Variants in ATP2B2 observed in about 807,000 individuals in gnomAD.
ATP2B2 encodes plasma membrane calcium-transporting ATPase 2.
ATP2B2 carries 15 observed loss-of-function variants against 120.0 expected under a neutral mutation model. The ratio of observed to expected loss-of-function variants is 0.12; its 90% CI spans 0.08 to 0.19. The LOEUF (loss-of-function observed/expected upper bound fraction) is 0.19, where lower values mean the gene tolerates loss of function less well. Ranked by LOEUF, ATP2B2 falls within the 10% of genes least tolerant of loss-of-function variation. The pLI is 1.00. For synonymous variants in ATP2B2, 694 were observed against 700.3 expected, an observed-to-expected ratio of 0.99 and a Z score of 0.14; for missense variants, 1,045 against 1,719.8, an observed-to-expected ratio of 0.61 and a Z score of 6.94.
At chr3:10,661,704 C>T (rs547927397) in intron 1 of ATP2B2, among the ~76,000 whole-genome samples, 2 of 152,340 alleles carry the variant, frequency 1.3e-5, no homozygotes, top group Non-Finnish European at 2.9e-5. Flanking sequence ...CATGCCATTC[C>T]TATCAAGCTA....
chr3:10,634,943 C>A (rs1275329353), intron 1 of ATP2B2, among the ~76,000 whole-genome samples: 2 of 152,104 alleles, frequency 1.3e-5, no homozygotes, highest in Non-Finnish European at 2.9e-5. Context: ...GGAACCAGGG[C>A]TTTTGCTCAA....
intron 1 of ATP2B2, among the ~76,000 whole-genome samples, chr3:10,661,356 C>T (rs182081872): frequency 6.6e-6 from 1 of 152,318 alleles, no homozygotes; most frequent in Admixed American, 6.5e-5. Flanking sequence ...ACCCCATCAT[C>T]TCAGCCCAAA....
chr3:10,623,866 C>G (rs879364401), intron 1 of ATP2B2, among the ~76,000 whole-genome samples: 6 of 152,206 alleles, frequency 3.9e-5, no homozygotes, highest in Admixed American at 2.0e-4. Context: ...CCCTAAACAG[C>G]CTGCTTCCAA....
chr3:10,417,072 G>GCA (rs1480381520), intron 2 of ATP2B2, among the ~76,000 whole-genome samples: 1 of 138,938 alleles, frequency 7.2e-6, no homozygotes, highest in Non-Finnish European at 1.5e-5. Context: ...ACGGCGGCGG[G>GCA]GGGGGGCGGG....
chr3:10,408,714 G>A (rs1046878110), intron 3 of ATP2B2, among the ~76,000 whole-genome samples: 2 of 151,984 alleles, frequency 1.3e-5, no homozygotes, highest in Non-Finnish European at 2.9e-5. Context: ...ATGGAACATC[G>A]CAGCCATCTG....
At chr3:10,486,521 A>C (rs2065678345) in intron 1 of ATP2B2, among the ~76,000 whole-genome samples, 1 of 151,914 alleles carries the variant, frequency 6.6e-6, no homozygotes, top group South Asian at 2.1e-4. Flanking sequence ...GGAGTCTTTA[A>C]ACGTGCCCAG....
At chr3:10,620,319 G>T (rs1345345748) in intron 1 of ATP2B2, among the ~76,000 whole-genome samples, 1 of 152,168 alleles carries the variant, frequency 6.6e-6, no homozygotes, top group Non-Finnish European at 1.5e-5. Flanking sequence ...GGAGGAAGAC[G>T]GCTGGGCTTG....
chr3:10,645,037 T>A (rs1429208559), intron 1 of ATP2B2, among the ~76,000 whole-genome samples: 3 of 152,184 alleles, frequency 2.0e-5, no homozygotes, highest in Admixed American at 1.3e-4. Context: ...TTAAGGCGTA[T>A]GTTGAATGCA....
At chr3:10,548,179 G>T (rs574495165) in intron 2 of ATP2B2, among the ~76,000 whole-genome samples, 4 of 152,326 alleles carry the variant, frequency 2.6e-5, no homozygotes, top group Admixed American at 6.5e-5. Flanking sequence ...GCTAGGAAAA[G>T]CCCCTGAAGG....
chr3:10,388,020 T>C (rs2061731780), intron 6 of ATP2B2: 1 of 472,832 alleles, frequency 2.1e-6, no homozygotes, highest in Non-Finnish European at 3.9e-6. Flanking sequence ...ATGGTCAGCA[T>C]CCTTGGCCTG....
intron 2 of ATP2B2, among the ~76,000 whole-genome samples, chr3:10,567,659 A>G (rs1173595790): frequency 6.6e-6 from 1 of 152,246 alleles, no homozygotes; most frequent in Non-Finnish European, 1.5e-5. Context: ...TGCTTCGTTT[A>G]GAGCAAGCCC....
chr3:10,461,521 G>A (rs1018915658), intron 1 of ATP2B2, among the ~76,000 whole-genome samples: 4 of 152,196 alleles, frequency 2.6e-5, no homozygotes, highest in African/African-American at 9.7e-5. Flanking sequence ...TCTTCTCTGG[G>A]TGCGGCTCAA....
intron 1 of ATP2B2, among the ~76,000 whole-genome samples, chr3:10,486,192 C>G (rs991486639): frequency 6.6e-6 from 1 of 152,182 alleles, no homozygotes; most frequent in Non-Finnish European, 1.5e-5. Flanking sequence ...CTTGCTTTGC[C>G]ACCCACTAGC....
rs779356508 is a variant in ATP2B2, at chr3:10,345,525, T to C, written c.2562A>G (p.Thr854=). ...VAKEASDIIL[T]DDNFSSIVKA... The stretch of plus-strand genomic sequence containing the variant: ...TGACGATGCTGCTGAAATTGTCGTC[T>C]GTCAGGATGATGTCTGAGGCCTCCT... Residue 854 remains threonine, a synonymous_variant, in exon 18 of 23, where the codon ACA becomes ACG. Transcript: ENST00000360273. The C allele has an allele frequency of 9.9e-6, 16 of 1,614,110 alleles. No individual in the cohort carries two copies. Among genetic ancestry groups the C allele is most frequent in the African/African-American group, 1.3e-5 (1 of 74,944 alleles).
chr3:10,610,448 CA>C (rs1362611024), intron 2 of ATP2B2, among the ~76,000 whole-genome samples: 1 of 152,178 alleles, frequency 6.6e-6, no homozygotes, highest in African/African-American at 2.4e-5. Context: ...CATCACTAAG[CA>C]TTTTTCTGCT....
chr3:10,490,697 C>A (rs2065902158), intron 1 of ATP2B2, among the ~76,000 whole-genome samples: 1 of 152,162 alleles, frequency 6.6e-6, no homozygotes. Flanking sequence ...CCGCGCCCAG[C>A]AATCCACAGC....
At chr3:10,365,670 G>A (rs970472316) in intron 12 of ATP2B2, among the ~76,000 whole-genome samples, 1 of 150,390 alleles carries the variant, frequency 6.6e-6, no homozygotes. Flanking sequence ...TGTGTGTGGT[G>A]TGTGTGTGTG....
intron 16 of ATP2B2, among the ~76,000 whole-genome samples, chr3:10,349,721 C>T (rs1488017285): frequency 6.6e-6 from 1 of 152,032 alleles, no homozygotes; most frequent in African/African-American, 2.4e-5. Context: ...AGACAACAAG[C>T]AGCAGTAAGG....
rs546237710 is a variant in ATP2B2, at chr3:10,359,756, G to T, written c.1901+126C>A. 2.9e-6 allele frequency: 4 copies of T among 1,396,208 alleles called. No individual in the cohort carries two copies. In the African/African-American group the frequency reaches 4.3e-5, roughly 15 times the overall value. The allele number at this position is 1,396,208 out of a possible 1,614,324, so 86.5% of individuals were successfully genotyped here. On this transcript the variant is annotated intron_variant, in intron 13 of 22. Transcript: ENST00000360273. ...CCCTCTGTGGCTCTGGGTGCTAGACGGCCACTCCAGCCGGGCAGGCTGCTG... is the reference window on the plus strand; with the variant it reads ...CCCTCTGTGGCTCTGGGTGCTAGACTGCCACTCCAGCCGGGCAGGCTGCTG...
Sources: gnomAD v4.1 joint callset for allele counts (sites outside exome capture counted in the v4.1 genomes callset) on GRCh38, gnomAD v4.1.1 for gene constraint, MANE v1.5 for transcripts, NCBI Gene and HGNC (gene_info 2026-07-23, HGNC 2026-07-21) for gene names.